DGKB: variants seen among roughly 807,000 people sequenced by gnomAD.
The protein encoded by DGKB is diacylglycerol kinase beta.
In DGKB, 67 loss-of-function variants were observed where a neutral mutation model predicts 114.3. That is an observed-to-expected ratio of 0.59 (90% CI 0.48 to 0.72). DGKB has a LOEUF of 0.72. DGKB is among the 30% of genes least tolerant of loss of function. The pLI is 0.00. For synonymous variants in DGKB, 398 were observed against 323.1 expected, an observed-to-expected ratio of 1.23 and a Z score of -2.49; for missense variants, 907 against 975.2, an observed-to-expected ratio of 0.93 and a Z score of 0.93.
chr7:14,257,365 G>T, intron 23 of DGKB, among the ~76,000 whole-genome samples: 1 of 152,144 alleles, frequency 6.6e-6, no homozygotes, highest in South Asian at 2.1e-4. Context: ...CAATACAAAA[G>T]AATGCCATTC....
intron 1 of DGKB, among the ~76,000 whole-genome samples, chr7:14,915,940 C>T (rs541697074): frequency 6.6e-6 from 1 of 151,770 alleles, no homozygotes; most frequent in Non-Finnish European, 1.5e-5. Context: ...AAATGTTTTG[C>T]TTTTCTTATT....
At chr7:14,874,322 T>A (rs910506477) in intron 1 of DGKB, among the ~76,000 whole-genome samples, 2 of 152,076 alleles carry the variant, frequency 1.3e-5, no homozygotes, top group East Asian at 1.9e-4. Context: ...TTTACAAAAA[T>A]ACGATTTTTA....
chr7:14,471,476 A>G (rs1372377810), intron 21 of DGKB, among the ~76,000 whole-genome samples: 3 of 146,938 alleles, frequency 2.0e-5, no homozygotes, highest in African/African-American at 7.5e-5. Context: ...ATAAAGAATA[A>G]TAATTTGAAA....
chr7:14,451,293 T>C (rs1260925336), intron 21 of DGKB, among the ~76,000 whole-genome samples: 2 of 152,058 alleles, frequency 1.3e-5, no homozygotes, highest in Non-Finnish European at 2.9e-5. Flanking sequence ...AATGTCTAAA[T>C]AGAGCAAAAA....
At chr7:14,862,926 T>G (rs1005932385) in intron 1 of DGKB, among the ~76,000 whole-genome samples, 1 of 152,046 alleles carries the variant, frequency 6.6e-6, no homozygotes, top group Non-Finnish European at 1.5e-5. Context: ...TGATTTTTTT[T>G]CTCTGCTTTC....
chr7:14,645,489 G>T (rs1040069771), intron 13 of DGKB, among the ~76,000 whole-genome samples: 1 of 151,982 alleles, frequency 6.6e-6, no homozygotes, highest in East Asian at 1.9e-4. Context: ...AAGAGCCACT[G>T]GGTGCCCTTT....
chr7:14,972,484 C>A (rs1787528380), intron 1 of DGKB, among the ~76,000 whole-genome samples: 1 of 152,008 alleles, frequency 6.6e-6, no homozygotes, highest in Non-Finnish European at 1.5e-5. Flanking sequence ...TTGCTATCTT[C>A]TCTTTCTGTC....
At chr7:14,844,437 G>A (rs1309666927) in intron 1 of DGKB, among the ~76,000 whole-genome samples, 1 of 152,156 alleles carries the variant, frequency 6.6e-6, no homozygotes, top group Non-Finnish European at 1.5e-5. Flanking sequence ...ACAGCAATAG[G>A]TTGTTTTTGA....
intron 1 of DGKB, among the ~76,000 whole-genome samples, chr7:14,926,215 A>T (rs1784743333): frequency 6.6e-6 from 1 of 151,944 alleles, no homozygotes; most frequent in African/African-American, 2.4e-5. Flanking sequence ...GTTTTAAGAG[A>T]TCTTATCACT....
At chr7:14,161,457 T>G (rs1783877119) in intron 25 of DGKB, among the ~76,000 whole-genome samples, 1 of 152,110 alleles carries the variant, frequency 6.6e-6, no homozygotes, top group South Asian at 2.1e-4. Context: ...ATGTGGCACA[T>G]ATACACCATG....
intron 2 of DGKB, among the ~76,000 whole-genome samples, chr7:14,765,634 T>G (rs974154968): frequency 6.6e-6 from 1 of 151,972 alleles, no homozygotes; most frequent in African/African-American, 2.4e-5. Context: ...TAGACAAATA[T>G]CTGCTAATTT....
Position 14,443,377 on chromosome 7 carries a change from G to A in DGKB, c.1835+34784C>T, listed in dbSNP as rs150710695. On this transcript the variant is annotated intron_variant, in intron 21 of 25. Transcript: ENST00000402815. The stretch of plus-strand genomic sequence containing the variant: ...TTTTATACAAGCTGCTTTTCTTCTC[G>A]TAAGCAAAACCTTTTATTCTGGGCA... 7.4e-4 allele frequency among the ~76,000 whole-genome samples: 112 copies of A among 152,044 alleles called. 1 individual carries two copies. In the East Asian group the frequency reaches 0.019, roughly 25 times the overall value.
chr7:14,397,976 GT>G (rs986082342), intron 21 of DGKB, among the ~76,000 whole-genome samples: 18 of 152,108 alleles, frequency 1.2e-4, no homozygotes, highest in African/African-American at 4.3e-4. Flanking sequence ...AAAAAATAGT[GT>G]TGCAAAAAAT....
At chr7:14,283,095 A>C (rs1042921111) in intron 23 of DGKB, among the ~76,000 whole-genome samples, 3 of 151,756 alleles carry the variant, frequency 2.0e-5, no homozygotes, top group African/African-American at 7.2e-5. Context: ...AGATGACATG[A>C]TTATATATCT....
rs560620470 is a variant in DGKB at position 14,485,748 on chromosome 7, C to T, written c.1771-7523G>A. Among the ~76,000 whole-genome samples, 169 of 151,320 alleles carry T rather than the reference C, an allele frequency of 1.1e-3. 1 individual carries two copies. The highest frequency in any genetic ancestry group is 3.9e-3 in the African/African-American group (161 of 41,266). ...AAAAATACAGAAAAAAAAAAATACC[C>T]GGGCATGGTAGTGGGCACCTGTAAT... On this transcript the variant is annotated intron_variant, in intron 20 of 25. Transcript: ENST00000402815.
At chr7:14,524,104 C>T (rs904158609) in intron 20 of DGKB, among the ~76,000 whole-genome samples, 5 of 152,014 alleles carry the variant, frequency 3.3e-5, no homozygotes, top group East Asian at 3.9e-4. Flanking sequence ...ATATATTTAA[C>T]GAATACTGAG....
At chr7:14,691,496 T>A (rs1446851318) in intron 9 of DGKB, among the ~76,000 whole-genome samples, 2 of 152,140 alleles carry the variant, frequency 1.3e-5, no homozygotes, top group Non-Finnish European at 1.5e-5. Context: ...AGGAAATAAA[T>A]CTCAATTGCT....
At chr7:14,722,042 C>A (rs1829257753) in intron 5 of DGKB, among the ~76,000 whole-genome samples, 1 of 152,138 alleles carries the variant, frequency 6.6e-6, no homozygotes, top group Non-Finnish European at 1.5e-5. Flanking sequence ...CATGCATATT[C>A]CTCCCCACTA....
rs188126936 is a variant in DGKB at position 14,861,261 on chromosome 7, G to A, written c.-187-19811C>T. Among the ~76,000 whole-genome samples the A allele has an allele frequency of 2.4e-3, 362 of 151,888 alleles. 2 individuals are homozygous for A. Among genetic ancestry groups the A allele is most frequent in the African/African-American group, 8.3e-3 (344 of 41,486 alleles). On this transcript the variant is annotated intron_variant, in intron 1 of 25. Transcript: ENST00000402815. ...AGATGTACAAAACTATTTCTGCTCA[G>A]TTATATGTTCAAAAAGAAAATACCG... is the stretch of plus-strand genomic sequence containing the variant.
Sources: allele counts gnomAD v4.1 joint callset (sites outside exome capture counted in the v4.1 genomes callset), GRCh38; gene constraint gnomAD v4.1.1; transcripts MANE v1.5; gene names NCBI Gene and HGNC (gene_info 2026-07-23, HGNC 2026-07-21).